Variants in SULT2B1 observed in about 807,000 individuals in gnomAD.
SULT2B1 encodes sulfotransferase family 2B member 1.
A neutral mutation model predicts 33.2 loss-of-function variants in SULT2B1; 16 were observed. The ratio of observed to expected loss-of-function variants is 0.48; its 90% CI spans 0.33 to 0.73. The LOEUF is 0.73. Among genes scored for constraint, SULT2B1 ranks in the 30% least tolerant of loss-of-function variants. SULT2B1 has a pLI of 0.02. For missense variants in SULT2B1, 500 were observed against 506.0 expected, an observed-to-expected ratio of 0.99 and a Z score of 0.11; for synonymous variants, 186 against 200.5, an observed-to-expected ratio of 0.93 and a Z score of 0.61.
Position 48,591,635 on chromosome 19 carries a change from G to A in SULT2B1, c.450G>A (p.Arg150=), listed in dbSNP as rs1973643977. The A allele has an allele frequency of 6.2e-7, 1 of 1,613,530 alleles. No individual in the cohort carries two copies. The highest frequency in any genetic ancestry group is 8.5e-7 in the Non-Finnish European group (1 of 1,179,670). Residue 150 remains arginine, a synonymous_variant, in exon 4 of 7, where the codon CGG becomes CGA. Coordinates refer to ENST00000201586, the MANE Select transcript of SULT2B1 (RefSeq NM_177973.2). ...AKVIYMGRNP[R]DVVVSLYHYS... is the part of the protein sequence containing the mutation. ...TGATCTACATGGGCCGCAACCCCCG[G>A]GACGTTGTGGTCTCCCTCTATCATT... is the stretch of plus-strand genomic sequence containing the variant.
At chr19:48,560,523 C>T (rs1973162038) in intron 1 of SULT2B1, among the ~76,000 whole-genome samples, 1 of 151,968 alleles carries the variant, frequency 6.6e-6, no homozygotes, top group Non-Finnish European at 1.5e-5. Context: ...CCTGGCCACC[C>T]TCCATAGATA....
chr19:48,566,057 C>T (rs548490862), intron 1 of SULT2B1, among the ~76,000 whole-genome samples: 18 of 152,050 alleles, frequency 1.2e-4, no homozygotes, highest in South Asian at 4.2e-4. Flanking sequence ...GGACTACAGG[C>T]GCACACCACC....
At chr19:48,559,674 A>G (rs1346269804) in intron 1 of SULT2B1, among the ~76,000 whole-genome samples, 1 of 152,202 alleles carries the variant, frequency 6.6e-6, no homozygotes, top group African/African-American at 2.4e-5. Context: ...TGGGTCACCC[A>G]TGACATGGAA....
intron 1 of SULT2B1, among the ~76,000 whole-genome samples, chr19:48,553,718 A>C (rs896146615): frequency 6.6e-6 from 1 of 152,182 alleles, no homozygotes; most frequent in African/African-American, 2.4e-5. Flanking sequence ...AGACAGGAGC[A>C]GTTCAATCCT....
chr19:48,595,858 G>C (rs976275057), intron 5 of SULT2B1: 1 of 152,098 alleles, frequency 6.6e-6, no homozygotes, highest in African/African-American at 2.4e-5. Context: ...GTAGAAACAG[G>C]GTTTTACCAT....
Position 48,596,905 on chromosome 19 carries a change from C to A in SULT2B1, c.812C>A (p.Ala271Asp), listed in dbSNP as rs201499986. The change falls in exon 6 of 7, where the codon GCC becomes GAC. Residue 271 changes from alanine (A) to aspartate (D), a missense_variant. Transcript: ENST00000201586. Reference sequence around the variant, plus strand: ...AGCCTGCTGGACCACCGTCGCGGGGCCTTCCTCCGGAAAGGTGCGGGGGTT... The same window carrying A: ...AGCCTGCTGGACCACCGTCGCGGGGACTTCCTCCGGAAAGGTGCGGGGGTT... ...PPSLLDHRRG[A>D]FLRKGVCGDW... 1.9e-6 allele frequency: 3 copies of A among 1,596,756 alleles called. No homozygotes were observed. Among genetic ancestry groups the A allele is most frequent in the South Asian group, 1.1e-5 (1 of 89,532 alleles).
chr19:48,579,580 C>G (rs1288362718), intron 2 of SULT2B1, among the ~76,000 whole-genome samples: 1 of 140,068 alleles, frequency 7.1e-6, no homozygotes, highest in Non-Finnish European at 1.5e-5. Context: ...CCGCGCCCGG[C>G]CTTTTTCTTT....
At chr19:48,581,287 G>A (rs1186573742) in intron 2 of SULT2B1, among the ~76,000 whole-genome samples, 5 of 142,616 alleles carry the variant, frequency 3.5e-5, no homozygotes, top group African/African-American at 5.2e-5. Flanking sequence ...CAGGTGATCC[G>A]CCCAACTCGG....
intron 4 of SULT2B1, 46 bp from the exon 5 acceptor site, chr19:48,592,676 G>T (rs758023696): frequency 1.6e-5 from 24 of 1,517,858 alleles, no homozygotes; most frequent in Non-Finnish European, 2.1e-5. Flanking sequence ...GGGGCTGGGG[G>T]AACCCCGCCA....
In SULT2B1 at chr19:48,576,359, C is replaced by CTTTTCTTTTTTTTTT; in HGVS notation, c.214+280_214+281insCTTTTTTTTTTTTTT. 2.4e-3 allele frequency among the ~76,000 whole-genome samples: 236 copies of CTTTTCTTTTTTTTTT among 96,684 alleles called. 15 individuals carry two copies. Among genetic ancestry groups the CTTTTCTTTTTTTTTT allele is most frequent in the East Asian group, 9.0e-3 (31 of 3,426 alleles). 63.4% of individuals were successfully genotyped at this position (96,684 alleles called of 152,430 possible). A position where few individuals can be genotyped will look rare whatever the true frequency, so the allele number is the denominator to read the frequency against. On this transcript the variant is annotated intron_variant, in intron 2 of 6. Transcript: ENST00000201586. ...CCTTTCCCCTTTACCCTCTACTTCT[C>CTTTTCTTTTTTTTTT]TTTTTTTTTTTTTTTTTTGTAGAGA...
intron 1 of SULT2B1, among the ~76,000 whole-genome samples, chr19:48,558,160 T>A (rs571412299): frequency 6.6e-6 from 1 of 151,938 alleles, no homozygotes; most frequent in South Asian, 2.1e-4. Context: ...CTGTAAGAGG[T>A]GAGGCCCAGA....
chr19:48,571,837 T>A (rs545606851), intron 1 of SULT2B1, among the ~76,000 whole-genome samples: 3 of 152,060 alleles, frequency 2.0e-5, no homozygotes, highest in African/African-American at 7.2e-5. Context: ...AGGGTAGCCC[T>A]CATGATAAGG....
chr19:48,575,338 G>A (rs907981449), intron 1 of SULT2B1, among the ~76,000 whole-genome samples: 2 of 150,840 alleles, frequency 1.3e-5, no homozygotes, highest in African/African-American at 4.9e-5. Flanking sequence ...GCAGTGGCGC[G>A]ATCTCAGCTC....
chr19:48,569,847 G>A (rs528180915), intron 1 of SULT2B1, among the ~76,000 whole-genome samples: 66 of 151,890 alleles, frequency 4.3e-4, no homozygotes, highest in African/African-American at 1.6e-3. Flanking sequence ...TGTATTTTTA[G>A]TAGAGATGGG....
intron 1 of SULT2B1, among the ~76,000 whole-genome samples, chr19:48,572,253 G>A (rs557977204): frequency 3.3e-5 from 5 of 152,282 alleles, no homozygotes; most frequent in Middle Eastern, 6.8e-3. Context: ...GGTGGCTCAT[G>A]CCTGTAATCC....
At chr19:48,556,728 A>C (rs1205613525) in intron 1 of SULT2B1, among the ~76,000 whole-genome samples, 1 of 152,004 alleles carries the variant, frequency 6.6e-6, no homozygotes, top group Non-Finnish European at 1.5e-5. Context: ...AGGCAGGTGG[A>C]TCCCTTGAGG....
At chr19:48,591,275 T>TGAGTAACCAACATGGTAAAACCC (rs1279952686) in intron 3 of SULT2B1, 1 of 188,812 alleles carries the variant, frequency 5.3e-6, no homozygotes, top group East Asian at 1.5e-4. Context: ...CCTCAATCTG[T>TGAGTAACCAACATGGTAAAACCC]GAGTAACCAA....
At chr19:48,589,277 C>T (rs918692706) in intron 3 of SULT2B1, among the ~76,000 whole-genome samples, 2 of 139,174 alleles carry the variant, frequency 1.4e-5, no homozygotes, top group African/African-American at 2.7e-5. Flanking sequence ...AAGGTTTCGG[C>T]GGAAGCAACT....
chr19:48,561,702 C>T (rs12611137), intron 1 of SULT2B1, among the ~76,000 whole-genome samples: 34,794 of 151,906 alleles, frequency 0.23, 4,222 homozygotes, highest in East Asian at 0.39. Context: ...GCAGGGCCTG[C>T]GGTGAGACTG....
Sources: allele counts gnomAD v4.1 joint callset (sites outside exome capture counted in the v4.1 genomes callset), GRCh38; gene constraint gnomAD v4.1.1; transcripts MANE v1.5; gene names NCBI Gene and HGNC (gene_info 2026-07-23, HGNC 2026-07-21).